Variants in OSBPL10 observed in about 807,000 individuals in gnomAD.
OSBPL10 encodes the protein oxysterol binding protein like 10, also known as oxysterol-binding protein-related protein 10.
A neutral mutation model predicts 81.7 loss-of-function variants in OSBPL10; 49 were observed. The ratio of observed to expected loss-of-function variants is 0.60; its 90% confidence interval spans 0.48 to 0.76. OSBPL10 has a LOEUF of 0.76. Ranked by LOEUF, OSBPL10 falls within the 30% of genes least tolerant of loss-of-function variation. The pLI is 0.00. For missense variants in OSBPL10, 923 were observed against 987.8 expected (o/e 0.93, Z 0.88); for synonymous variants, 419 against 383.6 (o/e 1.09, Z -1.08).
intron 6 of OSBPL10, chr3:31,714,630 A>G (rs998808907): frequency 3.3e-5 from 5 of 152,130 alleles, no homozygotes; most frequent in African/African-American, 1.2e-4. Context: ...CCCTGCGTGC[A>G]CTCGAGAAAG....
intron 2 of OSBPL10, among the ~76,000 whole-genome samples, chr3:32,039,644 G>A (rs2125557776): frequency 6.6e-6 from 1 of 152,018 alleles, no homozygotes; most frequent in South Asian, 2.1e-4. Context: ...GGGTGACAGA[G>A]TGAGACTCTG....
Position 31,664,084 on chromosome 3 carries a change from G to A in OSBPL10, c.2245C>T (p.Gln749Ter). The A allele has an allele frequency of 6.2e-7, 1 of 1,614,092 alleles. No homozygotes were observed. Among genetic ancestry groups the A allele is most frequent in the Non-Finnish European group, 8.5e-7 (1 of 1,180,008 alleles). ...ATGACAGGCGGCAGAGTTACCTCCT[G>A]GATAAAATATTTGGGCTTCCATGGT... ...RTPWKPKYFI[Q>*]EGDGWVYFNP... Residue 749 changes from glutamine to a stop codon, truncating the protein, a stop_gained, in exon 11 of 12, where the codon CAG becomes TAG. Coordinates refer to ENST00000396556, the MANE Select transcript of OSBPL10 (RefSeq NM_017784.5). LOFTEE classifies it high-confidence loss of function.
intron 6 of OSBPL10, among the ~76,000 whole-genome samples, chr3:31,731,179 C>T (rs1344627022): frequency 6.6e-6 from 1 of 152,160 alleles, no homozygotes; most frequent in East Asian, 1.9e-4. Context: ...GCTCTACTAG[C>T]TGTTTGGGTT....
At chr3:32,017,026 A>T (rs1699318431) in intron 2 of OSBPL10, among the ~76,000 whole-genome samples, 1 of 152,210 alleles carries the variant, frequency 6.6e-6, no homozygotes, top group Non-Finnish European at 1.5e-5. Flanking sequence ...TTTATAATAA[A>T]GTGTTTTCTA....
At chr3:31,945,156 A>G in intron 1 of OSBPL10, among the ~76,000 whole-genome samples, 1 of 151,646 alleles carries the variant, frequency 6.6e-6, no homozygotes, top group African/African-American at 2.4e-5. Flanking sequence ...TCTCAAAAAA[A>G]AAAAAAAAAA....
At chr3:31,673,389 T>C (rs1024674473) in intron 8 of OSBPL10, among the ~76,000 whole-genome samples, 10 of 152,316 alleles carry the variant, frequency 6.6e-5, no homozygotes, top group Admixed American at 1.3e-4. Flanking sequence ...GATCAATACT[T>C]GGTTCTTCTT....
intron 1 of OSBPL10, among the ~76,000 whole-genome samples, chr3:31,939,318 T>C (rs962685861): frequency 4.6e-5 from 7 of 151,724 alleles, no homozygotes; most frequent in African/African-American, 1.7e-4. Context: ...CTAATTTTTG[T>C]ATTTCAAGTA....
chr3:31,851,898 G>A (rs1274542540), intron 3 of OSBPL10, among the ~76,000 whole-genome samples: 1 of 152,166 alleles, frequency 6.6e-6, no homozygotes, highest in African/African-American at 2.4e-5. Flanking sequence ...TGGGGGAGAT[G>A]CCCAGGAGTC....
chr3:31,828,631 C>T (rs1700156677), intron 4 of OSBPL10, among the ~76,000 whole-genome samples: 1 of 152,200 alleles, frequency 6.6e-6, no homozygotes, highest in South Asian at 2.1e-4. Flanking sequence ...CTCCTAGGAT[C>T]AAGCGATTAT....
chr3:31,744,358 T>C (rs1391262939), intron 5 of OSBPL10, among the ~76,000 whole-genome samples: 2 of 151,868 alleles, frequency 1.3e-5, no homozygotes, highest in Non-Finnish European at 2.9e-5. Context: ...CTGGGCAACA[T>C]GGAGAAATCC....
At chr3:31,773,603 C>T (rs564127324) in intron 4 of OSBPL10, among the ~76,000 whole-genome samples, 1 of 152,244 alleles carries the variant, frequency 6.6e-6, no homozygotes, top group East Asian at 1.9e-4. Flanking sequence ...ATCTGATTGT[C>T]CTTTATGGTG....
At chr3:31,991,216 C>A (rs189162672) in intron 2 of OSBPL10, 1 of 478,208 alleles carries the variant, frequency 2.1e-6, no homozygotes, top group Non-Finnish European at 3.8e-6. Context: ...GAGGTCAAGA[C>A]GGATAGATCA....
intron 1 of OSBPL10, among the ~76,000 whole-genome samples, chr3:31,965,706 A>T (rs1304880706): frequency 3.7e-4 from 25 of 66,824 alleles, no homozygotes; most frequent in South Asian, 2.0e-3. Context: ...ATAATATATT[A>T]TATAAAATAT....
chr3:31,741,289 G>A (rs144341284), intron 5 of OSBPL10, among the ~76,000 whole-genome samples: 25 of 152,306 alleles, frequency 1.6e-4, no homozygotes, highest in African/African-American at 4.3e-4. Flanking sequence ...TTTTTGAGAC[G>A]GAGTCTCGCT....
intron 7 of OSBPL10, among the ~76,000 whole-genome samples, chr3:31,688,452 C>T (rs1367562428): frequency 2.0e-5 from 3 of 152,094 alleles, no homozygotes; most frequent in Non-Finnish European, 4.4e-5. Flanking sequence ...CCCCTCTCTC[C>T]TATCCTCTGC....
intron 2 of OSBPL10, among the ~76,000 whole-genome samples, chr3:32,032,662 A>C (rs753230147): frequency 6.6e-6 from 1 of 152,200 alleles, no homozygotes; most frequent in African/African-American, 2.4e-5. Context: ...AGAAACAAGA[A>C]TATGAGAATT....
chr3:31,809,976 A>T (rs758320236), intron 4 of OSBPL10, among the ~76,000 whole-genome samples: 3 of 149,580 alleles, frequency 2.0e-5, no homozygotes, highest in Non-Finnish European at 4.4e-5. Context: ...GATTCAAGCG[A>T]TTCTCCTGCC....
intron 7 of OSBPL10, among the ~76,000 whole-genome samples, chr3:31,694,355 AGT>A (rs1695648154): frequency 8.2e-6 from 1 of 122,640 alleles, no homozygotes; most frequent in African/African-American, 3.2e-5. Flanking sequence ...TGGGTGACAG[AGT>A]AAGACTCTGT....
At chr3:31,954,144 T>C (rs753271754) in intron 1 of OSBPL10, among the ~76,000 whole-genome samples, 4 of 152,236 alleles carry the variant, frequency 2.6e-5, no homozygotes, top group Non-Finnish European at 5.9e-5. Flanking sequence ...TGCCCGTGCA[T>C]TGGCCCATTT....
Sources: allele counts gnomAD v4.1 joint callset (sites outside exome capture counted in the v4.1 genomes callset), GRCh38; gene constraint gnomAD v4.1.1; transcripts MANE v1.5; gene names NCBI Gene and HGNC (gene_info 2026-07-23, HGNC 2026-07-21).